Variants in PUS10 observed in about 807,000 individuals in gnomAD.
PUS10 encodes the protein tRNA pseudouridine synthase Pus10.
In PUS10, 59 loss-of-function variants were observed where a neutral mutation model predicts 75.0. That is an observed-to-expected ratio of 0.79 (90% CI 0.64 to 0.98). PUS10 has a LOEUF of 0.98. Ranked by LOEUF, PUS10 falls within the 50% of genes least tolerant of loss-of-function variation. The pLI, the probability that PUS10 is intolerant of heterozygous loss-of-function variation, is 0.00. For synonymous variants in PUS10, 219 were observed against 211.6 expected (o/e 1.03, Z -0.30); for missense variants, 650 against 614.4 (o/e 1.06, Z -0.61).
intron 4 of PUS10, among the ~76,000 whole-genome samples, chr2:60,991,401 G>A (rs1041288696): frequency 1.3e-5 from 2 of 152,170 alleles, no homozygotes; most frequent in African/African-American, 4.8e-5. Context: ...TGTAAATTAA[G>A]AGATACAAGG....
Position 60,950,119 on chromosome 2 carries a change from C to T in PUS10, c.1309-1934G>A, listed in dbSNP as rs531531661. ...ATCCAAAGAACCTTACATAGTATGG[C>T]CAAAAGCCAAAGGGTCTTAGCTATA... On this transcript the variant is annotated intron_variant, in intron 15 of 17. Coordinates refer to ENST00000316752, the MANE Select transcript of PUS10 (RefSeq NM_144709.4). Among the ~76,000 whole-genome samples the T allele has an allele frequency of 2.0e-5, 3 of 152,264 alleles. No individual in the cohort carries two copies. The East Asian group carries it at 5.8e-4, about 29-fold the overall frequency.
At chr2:60,953,776 T>C (rs905812718) in intron 14 of PUS10, among the ~76,000 whole-genome samples, 157 bp downstream of exon 14, 3 of 152,370 alleles carry the variant, frequency 2.0e-5, no homozygotes, top group Middle Eastern at 3.4e-3. Context: ...GCTATTCCTA[T>C]ATCCTCCTTG....
At chr2:61,008,114 A>G (rs1393718523) in intron 3 of PUS10, among the ~76,000 whole-genome samples, 6 of 152,092 alleles carry the variant, frequency 3.9e-5, no homozygotes, top group African/African-American at 1.4e-4. Context: ...TTGGCCGGGT[A>G]CAGTGACTCA....
intron 4 of PUS10, among the ~76,000 whole-genome samples, chr2:60,973,074 C>G (rs1161631330): frequency 6.6e-6 from 1 of 152,220 alleles, no homozygotes; most frequent in Non-Finnish European, 1.5e-5. Flanking sequence ...CCAACTGTGC[C>G]ACCTCTGCTC....
chr2:60,955,034 C>A lies in PUS10; in HGVS notation c.1041G>T (p.Val347=). ...FSSSGREDVD[V]RTLGNGRPFA... The stretch of plus-strand genomic sequence containing the variant: ...CAGTCTTACCATTTCCTAATGTTCT[C>A]ACATCTACATCTTCTCTTCCAGAGG... The change falls in exon 12 of 18, where the codon GTG becomes GTT. Residue 347 remains valine (V), a synonymous_variant. Transcript: ENST00000316752. 6.3e-7 allele frequency: 1 copy of A among 1,595,176 alleles called. No homozygotes were observed.
chr2:61,006,568 A>G lies in PUS10; in HGVS notation c.457T>C (p.Ser153Pro). The change falls in exon 4 of 18, where the codon TCT (serine) becomes CCT (proline). Residue 153 changes from serine (S) to proline (P), a missense_variant. Coordinates refer to ENST00000316752, the MANE Select transcript of PUS10 (RefSeq NM_144709.4). ...VFSVSFPPQL[S>P]VREHAAWLLV... ...GCAAATGACCTTACCTCTCTTACAG[A>G]TAGTTGTGGTGGGAAGGAGACTGAA... 1.2e-6 allele frequency: 2 copies of G among 1,612,946 alleles called. No individual in the cohort carries two copies. The highest frequency in any genetic ancestry group is 1.7e-6 in the Non-Finnish European group (2 of 1,179,188).
At chr2:60,957,588 A>G (rs1675758903) in intron 11 of PUS10, among the ~76,000 whole-genome samples, 1 of 152,256 alleles carries the variant, frequency 6.6e-6, no homozygotes, top group South Asian at 2.1e-4. Context: ...CGGGAGATTA[A>G]GACAGTCAAG....
chr2:60,969,391 A>T (rs1203933152), intron 5 of PUS10, among the ~76,000 whole-genome samples: 1 of 152,218 alleles, frequency 6.6e-6, no homozygotes, highest in African/African-American at 2.4e-5. Context: ...TGGGCTAAAT[A>T]TCTTCACAGA....
intron 15 of PUS10, among the ~76,000 whole-genome samples, chr2:60,952,496 G>A (rs1000312022): frequency 2.0e-5 from 3 of 152,038 alleles, no homozygotes; most frequent in African/African-American, 7.2e-5. Flanking sequence ...TACATATATT[G>A]TCATGTGTTT....
rs749889584 is a variant in PUS10, at chr2:60,945,104, T to G, written c.1456A>C (p.Ile486Leu). 1 of 1,611,576 alleles carries G rather than the reference T, an allele frequency of 6.2e-7. No homozygotes were observed. The highest frequency in any genetic ancestry group is 1.1e-5 in the South Asian group (1 of 91,026). The change falls in exon 17 of 18, where the codon ATT (isoleucine) becomes CTT (leucine). Residue 486 changes from isoleucine (I) to leucine (L), a missense_variant. By Grantham distance (5) the Ile-to-Leu change is conservative. Transcript: ENST00000316752. Reference protein sequence around the residue: ...LHLKTQAGTYIKEFVHGDFGR... With the variant: ...LHLKTQAGTYLKEFVHGDFGR... The stretch of plus-strand genomic sequence containing the variant: ...AAGTCTCCATGTACAAACTCTTTAA[T>G]GTAGCTGGGGTTTGTTTAAGGAAAA...
At chr2:60,959,473 C>T (rs1301911136) in intron 11 of PUS10, among the ~76,000 whole-genome samples, 1 of 152,200 alleles carries the variant, frequency 6.6e-6, no homozygotes, top group Non-Finnish European at 1.5e-5. Flanking sequence ...ACACTGCAAC[C>T]TCTGCCTCCT....
chr2:61,018,152 A>G lies in PUS10; in HGVS notation c.-160T>C, dbSNP rs1412316372. On this transcript the variant is annotated 5_prime_UTR_variant, in exon 1 of 18. An upstream open reading frame in the 5' UTR loses its in-frame stop. Coordinates refer to ENST00000316752, the MANE Select transcript of PUS10 (RefSeq NM_144709.4). ...CTTCCTACCTACCGCTTCTGTTTTC[A>G]CTTTGACAGAATGGCTTCTCTATCT... The G allele has an allele frequency of 6.4e-7, 1 of 1,550,454 alleles. No homozygotes were observed.
chr2:61,011,022 C>A, intron 2 of PUS10: 1 of 1,240,134 alleles, frequency 8.1e-7, no homozygotes, highest in Non-Finnish European at 1.1e-6. Flanking sequence ...CAACTAATAA[C>A]ATTTTAAAAA....
intron 4 of PUS10, among the ~76,000 whole-genome samples, chr2:60,983,164 A>G (rs1441823117): frequency 1.3e-5 from 2 of 150,498 alleles, no homozygotes; most frequent in Non-Finnish European, 1.5e-5. Flanking sequence ...AAGTGCTGGG[A>G]TTACAGGCAT....
chr2:60,955,461 C>A (rs926324301), intron 11 of PUS10, among the ~76,000 whole-genome samples: 2 of 152,046 alleles, frequency 1.3e-5, no homozygotes, highest in African/African-American at 4.8e-5. Context: ...TCCCAAGTAG[C>A]TGGGATCACA....
intron 8 of PUS10, among the ~76,000 whole-genome samples, chr2:60,964,441 C>G (rs1017740630): frequency 6.6e-6 from 1 of 152,100 alleles, no homozygotes; most frequent in Non-Finnish European, 1.5e-5. Flanking sequence ...GAAAGATGAC[C>G]AATATCGCAC....
At chr2:60,971,127 C>G (rs1220751678) in intron 5 of PUS10, among the ~76,000 whole-genome samples, 4 of 151,514 alleles carry the variant, frequency 2.6e-5, no homozygotes, top group Admixed American at 1.3e-4. Flanking sequence ...TTGCAGTGAG[C>G]TGAGATCACA....
intron 11 of PUS10, among the ~76,000 whole-genome samples, chr2:60,957,227 A>G (rs556904906): frequency 1.3e-5 from 2 of 152,254 alleles, no homozygotes; most frequent in African/African-American, 2.4e-5. Flanking sequence ...TCATCCCCCT[A>G]AGAAACAGTA....
At chr2:60,945,899 A>G (rs776494578) in intron 16 of PUS10, among the ~76,000 whole-genome samples, 1 of 152,340 alleles carries the variant, frequency 6.6e-6, no homozygotes, top group Non-Finnish European at 1.5e-5. Flanking sequence ...TGTTCTACAA[A>G]CCAGCATTTA....
Sources: allele counts gnomAD v4.1 joint callset (sites outside exome capture counted in the v4.1 genomes callset), GRCh38; gene constraint gnomAD v4.1.1; transcripts MANE v1.5; gene names NCBI Gene and HGNC (gene_info 2026-07-23, HGNC 2026-07-21).